Variants in VPS41 observed in about 807,000 individuals in gnomAD.
The protein encoded by VPS41 is VPS41 subunit of HOPS complex, also known as vacuolar protein sorting-associated protein 41 homolog.
A neutral mutation model predicts 130.9 loss-of-function variants in VPS41; 85 were observed. That is an observed-to-expected ratio of 0.65 (90% CI 0.55 to 0.78). The LOEUF is 0.78. Ranked by LOEUF, VPS41 falls within the 30% of genes least tolerant of loss-of-function variation. The probability of loss-of-function intolerance (pLI) is 0.00; values close to 1 mark genes in which losing one functional copy is unlikely to be tolerated. For missense variants in VPS41, 874 were observed against 1,018.7 expected (o/e 0.86, Z 1.93); for synonymous variants, 335 against 332.9 (o/e 1.01, Z -0.07).
At chr7:38,860,649 C>T (rs540906135) in intron 4 of VPS41, among the ~76,000 whole-genome samples, 8 of 151,558 alleles carry the variant, frequency 5.3e-5, no homozygotes, top group African/African-American at 1.9e-4. Context: ...TATTGACGGA[C>T]ATTTGAGTTA....
chr7:38,880,619 A>T (rs968988725), intron 2 of VPS41, among the ~76,000 whole-genome samples: 1 of 152,160 alleles, frequency 6.6e-6, no homozygotes, highest in African/African-American at 2.4e-5. Flanking sequence ...GACGTATTTA[A>T]TCTACTCAGG....
intron 4 of VPS41, among the ~76,000 whole-genome samples, chr7:38,847,535 T>C (rs1284410647): frequency 6.6e-6 from 1 of 152,152 alleles, no homozygotes; most frequent in Non-Finnish European, 1.5e-5. Flanking sequence ...TAAAATTAAG[T>C]CTTAGATCCT....
At chr7:38,874,849 A>G (rs1786453248) in intron 2 of VPS41, among the ~76,000 whole-genome samples, 1 of 152,096 alleles carries the variant, frequency 6.6e-6, no homozygotes, top group Non-Finnish European at 1.5e-5. Flanking sequence ...GAAATATCCA[A>G]AATTAGTAGT....
rs753012594 is a variant in VPS41, at chr7:38,724,298, A to T, written c.*1948T>A. On this transcript the variant is annotated 3_prime_UTR_variant, in exon 29 of 29. Transcript: ENST00000310301. ...AATGAGCTTGCTCAAATCATAAGTG[A>T]GGATTAATGTAAATGTAATAAACTG... 1.3e-5 allele frequency: 2 copies of T among 152,240 alleles called. No homozygotes were observed. The highest frequency in any genetic ancestry group is 2.9e-5 in the Non-Finnish European group (2 of 68,038). 9.4% of individuals were successfully genotyped at this position (152,240 alleles called of 1,614,324 possible).
intron 5 of VPS41, among the ~76,000 whole-genome samples, chr7:38,825,500 T>C (rs772138073): frequency 6.6e-6 from 1 of 152,162 alleles, no homozygotes; most frequent in Non-Finnish European, 1.5e-5. Context: ...AAAATCACAC[T>C]TATCTGTAAA....
chr7:38,755,551 C>T (rs1354761921), intron 19 of VPS41, among the ~76,000 whole-genome samples: 1 of 152,226 alleles, frequency 6.6e-6, no homozygotes, highest in Non-Finnish European at 1.5e-5. Context: ...GCACACCAGA[C>T]TGAGCCTCAC....
chr7:38,765,447 A>C (rs1274306616), intron 16 of VPS41, 133 bp downstream of exon 16: 2 of 591,222 alleles, frequency 3.4e-6, no homozygotes, highest in Non-Finnish European at 5.7e-6. Context: ...TGTCTCTAAA[A>C]GTTTGATTTT....
At chr7:38,757,056 C>T in intron 18 of VPS41, 74 bp from the exon 19 acceptor site, 2 of 1,203,276 alleles carry the variant, frequency 1.7e-6, no homozygotes, top group South Asian at 2.7e-5. Context: ...GATCATGGTT[C>T]ACAATATTAA....
chr7:38,898,918 G>A (rs1420095356), intron 1 of VPS41, among the ~76,000 whole-genome samples: 2 of 151,066 alleles, frequency 1.3e-5, no homozygotes, highest in Non-Finnish European at 2.9e-5. Flanking sequence ...CTGAATGTAA[G>A]CACTTTACAA....
chr7:38,835,072 A>C (rs916165218), intron 4 of VPS41, among the ~76,000 whole-genome samples: 5 of 151,964 alleles, frequency 3.3e-5, no homozygotes, highest in Non-Finnish European at 7.4e-5. Flanking sequence ...CAATTCTATA[A>C]GGTAGGTACT....
At chr7:38,726,424 A>G in intron 28 of VPS41, 98 bp from the exon 29 acceptor site, 1 of 842,512 alleles carries the variant, frequency 1.2e-6, no homozygotes, top group Non-Finnish European at 1.9e-6. Context: ...GGGGGTGGAG[A>G]GGAAGTAATA....
At chr7:38,880,272 A>G (rs1786577132) in intron 2 of VPS41, among the ~76,000 whole-genome samples, 3 of 152,198 alleles carry the variant, frequency 2.0e-5, no homozygotes, top group Admixed American at 2.0e-4. Context: ...CCATAAAACC[A>G]AACAGTAACA....
chr7:38,723,042 G>C lies in VPS41; in HGVS notation c.*3204C>G, dbSNP rs1026058025. On this transcript the variant is annotated 3_prime_UTR_variant, in exon 29 of 29. Coordinates refer to ENST00000310301, the MANE Select transcript of VPS41 (RefSeq NM_014396.4). ...TAAAGCAAGCTAAAGAAAATAGTAA[G>C]AAAATCATAAGGAAAAGAAAATATA... is the stretch of plus-strand genomic sequence containing the variant. 1 of 152,160 alleles carries C rather than the reference G, an allele frequency of 6.6e-6. No individual in the cohort carries two copies. The highest frequency in any genetic ancestry group is 2.1e-4 in the South Asian group (1 of 4,814). The allele number at this position is 152,160 out of a possible 1,614,324, so 9.4% of individuals were successfully genotyped here.
At chr7:38,766,066 T>C (rs896870772) in intron 15 of VPS41, among the ~76,000 whole-genome samples, 1 of 152,226 alleles carries the variant, frequency 6.6e-6, no homozygotes, top group Admixed American at 6.5e-5. Context: ...CTTTAAATTA[T>C]GCACTACAAA....
At chr7:38,882,466 T>C (rs966000460) in intron 2 of VPS41, among the ~76,000 whole-genome samples, 1 of 152,244 alleles carries the variant, frequency 6.6e-6, no homozygotes, top group Non-Finnish European at 1.5e-5. Flanking sequence ...TCCAGTTTCA[T>C]GGTTTTGAAC....
intron 7 of VPS41, among the ~76,000 whole-genome samples, chr7:38,807,306 C>T (rs1423642953): frequency 6.6e-6 from 1 of 152,174 alleles, no homozygotes; most frequent in African/African-American, 2.4e-5. Flanking sequence ...ACAGCTAATT[C>T]ACTATTGTTA....
intron 2 of VPS41, among the ~76,000 whole-genome samples, chr7:38,890,242 T>C (rs1786831372): frequency 6.6e-6 from 1 of 152,146 alleles, no homozygotes; most frequent in African/African-American, 2.4e-5. Flanking sequence ...TGCCTACAAC[T>C]AGTTAAAAGA....
At chr7:38,867,938 AC>A in intron 3 of VPS41, among the ~76,000 whole-genome samples, 1 of 152,340 alleles carries the variant, frequency 6.6e-6, no homozygotes, top group Non-Finnish European at 1.5e-5. Flanking sequence ...TTTCATAGAC[AC>A]AGAAAAATAA....
intron 4 of VPS41, among the ~76,000 whole-genome samples, chr7:38,837,737 C>T (rs569793751): frequency 2.0e-5 from 3 of 152,276 alleles, no homozygotes; most frequent in South Asian, 2.1e-4. Flanking sequence ...TATTACTATA[C>T]TTACAGTATT....
Sources: gnomAD v4.1 joint callset for allele counts (sites outside exome capture counted in the v4.1 genomes callset) on GRCh38, gnomAD v4.1.1 for gene constraint, MANE v1.5 for transcripts, NCBI Gene and HGNC (gene_info 2026-07-23, HGNC 2026-07-21) for gene names.